The following DNAH11 variants were observed in gnomAD, a reference collection of about 807,000 sequenced individuals.
DNAH11 encodes dynein axonemal heavy chain 11.
A neutral mutation model predicts 526.0 loss-of-function variants in DNAH11; 442 were observed. The observed-to-expected ratio is 0.84, with a 90% confidence interval of 0.78 to 0.91. The LOEUF is 0.91. Among genes scored for constraint, DNAH11 ranks in the 40% least tolerant of loss-of-function variants. DNAH11 has a pLI of 0.00. For synonymous variants in DNAH11, 2,461 were observed against 1,935.9 expected, an observed-to-expected ratio of 1.27 and a Z score of -7.12; for missense variants, 6,989 against 5,448.7, an observed-to-expected ratio of 1.28 and a Z score of -8.90.
At position 21,606,684 on chromosome 7, in the gene DNAH11, A is replaced by G. The variant is rs774615886; in HGVS notation, c.3803A>G (p.Tyr1268Cys). 13 of 1,604,236 alleles carry G rather than the reference A, an allele frequency of 8.1e-6. No individual in the cohort carries two copies. The Admixed American group carries it at 2.1e-4, about 25-fold the overall frequency. Residue 1268 changes from tyrosine (Y) to cysteine (C), a missense_variant, in exon 20 of 82, where the codon TAT becomes TGT. Physicochemically the swap from Tyr to Cys is radical, Grantham distance 194 (BLOSUM62 -2). Coordinates refer to ENST00000409508, the MANE Select transcript of DNAH11 (RefSeq NM_001277115.2). ...QAEFRERFRH[Y>C]APLGFNAENP... ...GAGTTCAGAGAGAGATTCAGACACT[A>G]TGCCCCTCTTGGATTTAATGCAGAA...
chr7:21,775,108 G>A (rs901196196), intron 56 of DNAH11, among the ~76,000 whole-genome samples: 1 of 152,094 alleles, frequency 6.6e-6, no homozygotes. Context: ...AGCACCACTT[G>A]CCTCTTTTTC....
At chr7:21,760,126 G>A (rs1786833734) in intron 54 of DNAH11, among the ~76,000 whole-genome samples, 1 of 152,076 alleles carries the variant, frequency 6.6e-6, no homozygotes, top group Admixed American at 6.5e-5. Flanking sequence ...TCTGGTGGGG[G>A]TGGGAGGAGA....
intron 30 of DNAH11, among the ~76,000 whole-genome samples, chr7:21,670,110 A>G (rs1179322147): frequency 1.3e-5 from 2 of 152,112 alleles, no homozygotes; most frequent in Non-Finnish European, 2.9e-5. Context: ...GCAGCCTCTA[A>G]ATATAAATTT....
intron 20 of DNAH11, among the ~76,000 whole-genome samples, chr7:21,613,057 C>G (rs996458594): frequency 2.1e-4 from 32 of 151,850 alleles, no homozygotes; most frequent in Non-Finnish European, 1.5e-5. Context: ...TTTCCAGAAG[C>G]ATTAGTAATA....
At chr7:21,699,248 T>C (rs1354180369) in intron 36 of DNAH11, among the ~76,000 whole-genome samples, 1 of 152,164 alleles carries the variant, frequency 6.6e-6, no homozygotes, top group Non-Finnish European at 1.5e-5. Flanking sequence ...TTCTTTTAAA[T>C]TTGTGCTCTA....
intron 8 of DNAH11, among the ~76,000 whole-genome samples, chr7:21,572,876 A>C (rs1023937440): frequency 6.6e-6 from 1 of 152,210 alleles, no homozygotes; most frequent in Non-Finnish European, 1.5e-5. Context: ...ACCTAGGATC[A>C]TGGTGATGAA....
rs553398691 is a variant in DNAH11, at chr7:21,637,850, G to A, written c.4817+148G>A. The A allele has an allele frequency of 1.2e-3, 585 of 481,762 alleles. 1 individual carries two copies. Among genetic ancestry groups the A allele is most frequent in the Non-Finnish European group, 1.6e-3 (446 of 279,176 alleles). 29.8% of individuals were successfully genotyped at this position (481,762 alleles called of 1,614,324 possible). On this transcript the variant is annotated intron_variant, in intron 27 of 81. Coordinates refer to ENST00000409508, the MANE Select transcript of DNAH11 (RefSeq NM_001277115.2). Reference sequence around the variant, plus strand: ...TTGCTTATAATTATCTAGTTGTCTCGTACATATGACATGGAACATATATAT... The same window carrying A: ...TTGCTTATAATTATCTAGTTGTCTCATACATATGACATGGAACATATATAT...
intron 51 of DNAH11, among the ~76,000 whole-genome samples, chr7:21,745,755 A>G (rs182804801): frequency 5.9e-5 from 9 of 152,360 alleles, no homozygotes; most frequent in Admixed American, 5.2e-4. Context: ...TGTCATGCCA[A>G]GAAGGAAAAT....
chr7:21,881,005 T>G (rs1783904982), intron 75 of DNAH11, 112 bp downstream of exon 75: 1 of 978,262 alleles, frequency 1.0e-6, no homozygotes, highest in African/African-American at 1.7e-5. Flanking sequence ...TTGAAATAGC[T>G]GACACTATGT....
chr7:21,635,337 TA>T (rs1221830857), intron 25 of DNAH11, among the ~76,000 whole-genome samples: 2 of 152,216 alleles, frequency 1.3e-5, no homozygotes, highest in African/African-American at 4.8e-5. Flanking sequence ...CTTGTATTTT[TA>T]GTAGAGACGG....
In DNAH11 at chr7:21,559,005, A is replaced by G; in HGVS notation, c.692+7A>G. 1 of 1,563,032 alleles carries G rather than the reference A, an allele frequency of 6.4e-7. No individual in the cohort carries two copies. The highest frequency in any genetic ancestry group is 8.7e-7 in the Non-Finnish European group (1 of 1,152,266). ...AGAATTGTTCAGAGAACAAGTACGT[A>G]ACAGTACAATATATACAGGATATTA... On this transcript the variant is annotated splice_region_variant and intron_variant, in intron 3 of 81. Transcript: ENST00000409508.
In DNAH11 at chr7:21,818,300, T is replaced by C. The variant is rs1289172408; in HGVS notation, c.10652T>C (p.Leu3551Pro). Residue 3551 changes from leucine to proline, a missense_variant, in exon 65 of 82, where the codon CTG becomes CCG. Leu to Pro is a moderately conservative substitution (Grantham distance 98). Coordinates refer to ENST00000409508, the MANE Select transcript of DNAH11 (RefSeq NM_001277115.2). Reference sequence around the variant, plus strand: ...CTCGAGGAAACGATAGATCCAGTCCTGGATCCACTACTTGGCAGGAACACA... The same window carrying C: ...CTCGAGGAAACGATAGATCCAGTCCCGGATCCACTACTTGGCAGGAACACA... ...ENLEETIDPV[L>P]DPLLGRNTIK... 1.9e-6 allele frequency: 3 copies of C among 1,610,878 alleles called. No homozygotes were observed. The highest frequency in any genetic ancestry group is 2.5e-6 in the Non-Finnish European group (3 of 1,178,790).
intron 20 of DNAH11, among the ~76,000 whole-genome samples, chr7:21,612,451 G>T (rs1157711780): frequency 6.6e-6 from 1 of 151,068 alleles, no homozygotes; most frequent in Non-Finnish European, 1.5e-5. Flanking sequence ...GCTACTCAGG[G>T]GGCTGAAGCA....
At chr7:21,683,665 C>T (rs1223869852) in intron 31 of DNAH11, 119 bp from the exon 32 acceptor site, 1 of 1,138,642 alleles carries the variant, frequency 8.8e-7, no homozygotes, top group African/African-American at 1.6e-5. Flanking sequence ...CAATAGCGTG[C>T]AAGAGATTTC....
At position 21,793,065 on chromosome 7, in the gene DNAH11, A is replaced by G. The variant is rs867669801; in HGVS notation, c.10026+3723A>G. On this transcript the variant is annotated intron_variant, in intron 61 of 81. Transcript: ENST00000409508. The stretch of plus-strand genomic sequence containing the variant: ...TTTTGCTGTATTCCATAGACCGAAT[A>G]TATTAGGTTTCCATTTTAATTTGTT... Among the ~76,000 whole-genome samples the G allele has an allele frequency of 2.3e-4, 35 of 152,144 alleles. 1 individual carries two copies. Among genetic ancestry groups the G allele is most frequent in the Non-Finnish European group, 7.4e-5 (5 of 68,026 alleles).
Position 21,720,796 on chromosome 7 carries a change from T to C in DNAH11, c.7206T>C (p.Tyr2402=), listed in dbSNP as rs1483212709. Residue 2402 remains tyrosine, a synonymous_variant, in exon 44 of 82, where the codon TAT becomes TAC. Coordinates refer to ENST00000409508, the MANE Select transcript of DNAH11 (RefSeq NM_001277115.2). ...CTTCTGACAGCCCAAAAGAAGTTTA[T>C]GAAGTCTATTTTGTATTTGCTTGTA... ...NVPSDSPKEV[Y]EVYFVFACIW... is the part of the protein sequence containing the mutation. 14 of 1,611,234 alleles carry C rather than the reference T, an allele frequency of 8.7e-6. No individual in the cohort carries two copies. The highest frequency in any genetic ancestry group is 1.2e-5 in the Non-Finnish European group (14 of 1,178,688).
chr7:21,588,634 T>C lies in DNAH11; in HGVS notation c.1971T>C (p.Tyr657=). ...GGTCAAACTTCGCATCTCTCCGTTA[T>C]CTGTAAGTAGTTAAGCTTAGGTCAT... ...MFWSNFASLR[Y]LFLGNPDHAL... The change falls in exon 11 of 82, where the codon TAT becomes TAC. Residue 657 remains tyrosine, a splice_region_variant and synonymous_variant. Coordinates refer to ENST00000409508, the MANE Select transcript of DNAH11 (RefSeq NM_001277115.2). The C allele has an allele frequency of 6.2e-7, 1 of 1,612,994 alleles. No homozygotes were observed.
intron 62 of DNAH11, among the ~76,000 whole-genome samples, chr7:21,807,438 G>T (rs1373719979): frequency 6.6e-6 from 1 of 152,192 alleles, no homozygotes; most frequent in Non-Finnish European, 1.5e-5. Context: ...GGTAAAAGTT[G>T]CAATGAGCCA....
chr7:21,779,107 C>A lies in DNAH11; in HGVS notation c.9483+3C>A. On this transcript the variant is annotated splice_donor_region_variant and intron_variant, in intron 57 of 81. Transcript: ENST00000409508. ...TCGCTGATGCTGAGGAGCGAAAGGT[C>A]AGGCTAATTCCAACATTTAGAGTGC... The A allele has an allele frequency of 6.2e-7, 1 of 1,610,282 alleles. No individual in the cohort carries two copies. The highest frequency in any genetic ancestry group is 1.1e-5 in the South Asian group (1 of 90,874).
Sources: gnomAD v4.1 joint callset for allele counts (sites outside exome capture counted in the v4.1 genomes callset) on GRCh38, gnomAD v4.1.1 for gene constraint, MANE v1.5 for transcripts, NCBI Gene and HGNC (gene_info 2026-07-23, HGNC 2026-07-21) for gene names.